The following GRM8 variants were observed in gnomAD, a reference collection of about 807,000 sequenced individuals.
The protein encoded by GRM8 is metabotropic glutamate receptor 8.
GRM8 carries 47 observed loss-of-function variants against 87.2 expected under a neutral mutation model. The ratio of observed to expected loss-of-function variants is 0.54; its 90% CI spans 0.43 to 0.69. The LOEUF is 0.69. Among genes scored for constraint, GRM8 ranks in the 30% least tolerant of loss-of-function variants. The pLI, the probability that GRM8 is intolerant of heterozygous loss-of-function variation, is 0.00. For synonymous variants in GRM8, 396 were observed against 404.5 expected (o/e 0.98, Z 0.25); for missense variants, 1,019 against 1,139.2 (o/e 0.89, Z 1.52).
chr7:126,630,333 A>G (rs1458961710), intron 7 of GRM8, among the ~76,000 whole-genome samples: 1 of 152,166 alleles, frequency 6.6e-6, no homozygotes, highest in East Asian at 1.9e-4. Flanking sequence ...GACCAGGAAG[A>G]AATTGAATCC....
intron 2 of GRM8, among the ~76,000 whole-genome samples, chr7:127,214,877 T>A (rs745583546): frequency 6.6e-5 from 10 of 152,244 alleles, no homozygotes; most frequent in Non-Finnish European, 1.5e-4. Context: ...TTTGTTTCCT[T>A]TTCAAATTCT....
In GRM8 at chr7:126,749,160, C is replaced by T. The variant is rs1816085067; in HGVS notation, c.1357+20705G>A. Among the ~76,000 whole-genome samples the T allele has an allele frequency of 2.0e-5, 3 of 152,172 alleles. No individual in the cohort carries two copies. The South Asian group carries it at 6.2e-4, about 32-fold the overall frequency. On this transcript the variant is annotated intron_variant, in intron 7 of 10. Transcript: ENST00000339582. ...AGACATCCTGGTGCCTGCCTGTAAT[C>T]CCAGCTACTCCAGAGGCTGAGGCAG...
At chr7:126,460,112 A>T (rs1293738740) in intron 9 of GRM8, among the ~76,000 whole-genome samples, 1 of 151,592 alleles carries the variant, frequency 6.6e-6, no homozygotes, top group Admixed American at 6.6e-5. Context: ...GCCAGGTTTC[A>T]AGAGAGGAAA....
At chr7:127,017,510 G>C (rs1256539322) in intron 3 of GRM8, among the ~76,000 whole-genome samples, 1 of 152,110 alleles carries the variant, frequency 6.6e-6, no homozygotes, top group African/African-American at 2.4e-5. Flanking sequence ...AATAAATGAT[G>C]TCACAAATGA....
At chr7:126,765,950 C>T (rs953006317) in intron 7 of GRM8, among the ~76,000 whole-genome samples, 1 of 151,910 alleles carries the variant, frequency 6.6e-6, no homozygotes, top group African/African-American at 2.4e-5. Flanking sequence ...TCAATTAAAC[C>T]ACCATTGTAG....
intron 3 of GRM8, among the ~76,000 whole-genome samples, chr7:127,054,874 A>T (rs1819831503): frequency 1.3e-5 from 2 of 151,588 alleles, no homozygotes; most frequent in South Asian, 4.2e-4. Flanking sequence ...AAGATCAAAA[A>T]TAATAATTCT....
At chr7:126,491,812 G>T (rs1448254672) in intron 9 of GRM8, among the ~76,000 whole-genome samples, 1 of 152,050 alleles carries the variant, frequency 6.6e-6, no homozygotes, top group Non-Finnish European at 1.5e-5. Flanking sequence ...GATGTGGAAA[G>T]GATCTCACTG....
At chr7:126,886,951 T>A (rs1800555371) in intron 6 of GRM8, among the ~76,000 whole-genome samples, 3 of 152,090 alleles carry the variant, frequency 2.0e-5, no homozygotes, top group African/African-American at 7.2e-5. Context: ...AGAGCTGTAT[T>A]TTGGGAGTGC....
chr7:126,874,534 C>T lies in GRM8; in HGVS notation c.1156+28008G>A, dbSNP rs1799378089. On this transcript the variant is annotated intron_variant, in intron 6 of 10. Transcript: ENST00000339582. ...CACTGGGCATACCATGACTCAGATG[C>T]CATACTGACATTTTACTTTCATTAT... 2.0e-5 allele frequency among the ~76,000 whole-genome samples: 3 copies of T among 152,006 alleles called. 1 individual carries two copies. Among genetic ancestry groups the T allele is most frequent in the South Asian group, 4.1e-4 (2 of 4,828 alleles).
At chr7:126,808,369 TC>T (rs1275619711) in intron 6 of GRM8, among the ~76,000 whole-genome samples, 1 of 152,136 alleles carries the variant, frequency 6.6e-6, no homozygotes, top group African/African-American at 2.4e-5. Flanking sequence ...GATTGTCCCA[TC>T]ATGCAAAATA....
rs565637862 is a variant in GRM8 at position 126,759,164 on chromosome 7, T to C, written c.1357+10701A>G. On this transcript the variant is annotated intron_variant, in intron 7 of 10. Transcript: ENST00000339582. ...CCACCCACCTCGGCCTCCCAAATTC[T>C]GGGATTACAAGCATAAGCCACAGCG... Among the ~76,000 whole-genome samples, 19 of 152,242 alleles carry C rather than the reference T, an allele frequency of 1.2e-4. 1 individual carries two copies. In the South Asian group the frequency reaches 3.7e-3, roughly 30 times the overall value.
At chr7:127,026,970 C>A (rs955778418) in intron 3 of GRM8, among the ~76,000 whole-genome samples, 16 of 152,052 alleles carry the variant, frequency 1.1e-4, no homozygotes, top group Non-Finnish European at 7.4e-5. Flanking sequence ...GGTTTTAGGT[C>A]TTACATTTAA....
chr7:127,158,316 G>T (rs892789298), intron 2 of GRM8, among the ~76,000 whole-genome samples: 3 of 152,094 alleles, frequency 2.0e-5, no homozygotes, highest in African/African-American at 7.2e-5. Flanking sequence ...GCCACAAATT[G>T]TCTTTTCCAG....
intron 2 of GRM8, among the ~76,000 whole-genome samples, chr7:127,215,535 T>G (rs916918789): frequency 6.6e-6 from 1 of 152,116 alleles, no homozygotes; most frequent in Non-Finnish European, 1.5e-5. Flanking sequence ...AACTGAAGCT[T>G]TCAGTTTCTG....
At chr7:126,971,669 T>C (rs1367041169) in intron 3 of GRM8, among the ~76,000 whole-genome samples, 1 of 152,170 alleles carries the variant, frequency 6.6e-6, no homozygotes, top group Non-Finnish European at 1.5e-5. Context: ...GGAGAACTAA[T>C]ATCCATTTAT....
At position 127,117,919 on chromosome 7, in the gene GRM8, C is replaced by T. The variant is rs182892363; in HGVS notation, c.511-11207G>A. Among the ~76,000 whole-genome samples, 64 of 152,330 alleles carry T rather than the reference C, an allele frequency of 4.2e-4. No homozygotes were observed. In the East Asian group the frequency reaches 0.012, roughly 29 times the overall value. On this transcript the variant is annotated intron_variant, in intron 2 of 10. Transcript: ENST00000339582. ...CTGGCAAATATTCGATTTAGACTGG[C>T]ATTCTGCCAGCCAATAGTACATGAT...
At chr7:126,903,585 C>T (rs1802323291) in intron 5 of GRM8, among the ~76,000 whole-genome samples, 1 of 145,996 alleles carries the variant, frequency 6.8e-6, no homozygotes, top group African/African-American at 2.6e-5. Flanking sequence ...CACACACACA[C>T]ACACACACAC....
intron 2 of GRM8, among the ~76,000 whole-genome samples, chr7:127,123,389 T>TG (rs528620764): frequency 1.3e-5 from 2 of 152,066 alleles, no homozygotes; most frequent in South Asian, 4.1e-4. Context: ...CTTACAAGGT[T>TG]GGGGGAGTGA....
At chr7:126,565,892 G>C (rs932710120) in intron 8 of GRM8, among the ~76,000 whole-genome samples, 2 of 152,040 alleles carry the variant, frequency 1.3e-5, no homozygotes, top group African/African-American at 4.8e-5. Context: ...TGAATATTTG[G>C]TCAAATGATC....
Sources: allele counts gnomAD v4.1 joint callset (sites outside exome capture counted in the v4.1 genomes callset), GRCh38; gene constraint gnomAD v4.1.1; transcripts MANE v1.5; gene names NCBI Gene and HGNC (gene_info 2026-07-23, HGNC 2026-07-21).